EPC2: variants seen among roughly 807,000 people sequenced by gnomAD.
EPC2 encodes enhancer of polycomb homolog 2.
Under a neutral mutation model 92.1 loss-of-function variants are expected in EPC2, and 14 were observed. The observed-to-expected ratio is 0.15, with a 90% CI of 0.10 to 0.24. The LOEUF is 0.24. EPC2 is among the 10% of genes least tolerant of loss of function. EPC2 has a pLI of 1.00. For missense variants in EPC2, 755 were observed against 971.5 expected, an observed-to-expected ratio of 0.78 and a Z score of 2.96; for synonymous variants, 340 against 334.7, an observed-to-expected ratio of 1.02 and a Z score of -0.17.
chr2:148,723,839 CTT>C (rs1270640087), intron 2 of EPC2, among the ~76,000 whole-genome samples: 2 of 151,810 alleles, frequency 1.3e-5, no homozygotes, highest in Non-Finnish European at 2.9e-5. Flanking sequence ...GGATTTATAA[CTT>C]TTTAGAGGGT....
chr2:148,724,535 A>G (rs1282509733), intron 2 of EPC2, among the ~76,000 whole-genome samples: 1 of 152,078 alleles, frequency 6.6e-6, no homozygotes, highest in African/African-American at 2.4e-5. Context: ...TAGGTTTTAT[A>G]TTGTGTTCTG....
intron 11 of EPC2, 142 bp from the exon 12 acceptor site, chr2:148,783,455 T>G (rs1574641981): frequency 3.0e-6 from 2 of 660,010 alleles, no homozygotes; most frequent in South Asian, 7.3e-5. Flanking sequence ...AAATCATCTA[T>G]GGAATCGTAG....
At chr2:148,735,578 A>G (rs1451658641) in intron 2 of EPC2, among the ~76,000 whole-genome samples, 2 of 151,996 alleles carry the variant, frequency 1.3e-5, no homozygotes, top group Non-Finnish European at 2.9e-5. Context: ...ATGAACGGTC[A>G]TATACTACTG....
chr2:148,692,869 TA>T, intron 2 of EPC2: 3 of 152,270 alleles, frequency 2.0e-5, no homozygotes, highest in African/African-American at 7.2e-5. Flanking sequence ...TCTATTATTG[TA>T]AAAAACAATA....
intron 2 of EPC2, among the ~76,000 whole-genome samples, chr2:148,698,751 A>G (rs1249209826): frequency 1.5e-5 from 2 of 130,900 alleles, no homozygotes; most frequent in Admixed American, 1.6e-4. Flanking sequence ...AATGAAAAGT[A>G]AAATGTTAAT....
intron 1 of EPC2, among the ~76,000 whole-genome samples, chr2:148,678,435 G>C (rs1681319288): frequency 6.6e-6 from 1 of 152,250 alleles, no homozygotes; most frequent in Non-Finnish European, 1.5e-5. Flanking sequence ...ATGCGACTGG[G>C]TGCCGTGGAG....
intron 2 of EPC2, among the ~76,000 whole-genome samples, chr2:148,726,229 C>A (rs1682491421): frequency 6.6e-6 from 1 of 152,134 alleles, no homozygotes; most frequent in Admixed American, 6.6e-5. Flanking sequence ...CACTTCTTAG[C>A]CATTGTGAAT....
chr2:148,765,220 A>G, intron 7 of EPC2, 74 bp downstream of exon 7: 7 of 1,101,478 alleles, frequency 6.4e-6, no homozygotes, highest in African/African-American at 1.6e-5. Flanking sequence ...AACAATTGCT[A>G]TCTTAGAGTT....
At chr2:148,768,805 A>G (rs1683464086) in intron 7 of EPC2, among the ~76,000 whole-genome samples, 1 of 152,164 alleles carries the variant, frequency 6.6e-6, no homozygotes. Context: ...GGTGAAGTAA[A>G]TATTTAACTG....
At chr2:148,730,835 A>G (rs974471330) in intron 2 of EPC2, among the ~76,000 whole-genome samples, 4 of 152,238 alleles carry the variant, frequency 2.6e-5, no homozygotes, top group South Asian at 2.1e-4. Context: ...TAGATATACA[A>G]CAGCACTATT....
chr2:148,748,042 T>G (rs1209831833), intron 3 of EPC2, among the ~76,000 whole-genome samples: 3 of 152,120 alleles, frequency 2.0e-5, no homozygotes, highest in Non-Finnish European at 4.4e-5. Flanking sequence ...GATTGGATCG[T>G]GAGAGTGGAT....
chr2:148,704,192 T>G (rs1681947238), intron 2 of EPC2, among the ~76,000 whole-genome samples: 1 of 152,204 alleles, frequency 6.6e-6, no homozygotes, highest in African/African-American at 2.4e-5. Context: ...TGGCGTGTAC[T>G]TAGAATGAAT....
At chr2:148,754,240 T>C (rs1288521276) in intron 4 of EPC2, 107 bp downstream of exon 4, 9 of 874,302 alleles carry the variant, frequency 1.0e-5, no homozygotes, top group Middle Eastern at 3.5e-4. Flanking sequence ...GCTAATGGCA[T>C]TGATGACTTT....
chr2:148,652,181 G>C (rs1680701896), intron 1 of EPC2, among the ~76,000 whole-genome samples: 1 of 152,162 alleles, frequency 6.6e-6, no homozygotes, highest in Non-Finnish European at 1.5e-5. Flanking sequence ...TACCTATGTT[G>C]AGAAGTGTTA....
At chr2:148,683,781 C>T (rs1262205188) in intron 1 of EPC2, among the ~76,000 whole-genome samples, 1 of 152,226 alleles carries the variant, frequency 6.6e-6, no homozygotes, top group East Asian at 1.9e-4. Flanking sequence ...AGTTGATGAG[C>T]ATTTAGGCTG....
intron 3 of EPC2, among the ~76,000 whole-genome samples, chr2:148,744,989 G>GC (rs34269450): frequency 0.34 from 15,861 of 46,204 alleles, 3,787 homozygotes; most frequent in Non-Finnish European, 0.39. Context: ...CTATCAGTTT[G>GC]CCCCCCCCCC....
At chr2:148,712,684 G>A (rs1682172504) in intron 2 of EPC2, among the ~76,000 whole-genome samples, 1 of 152,182 alleles carries the variant, frequency 6.6e-6, no homozygotes, top group South Asian at 2.1e-4. Flanking sequence ...GGGGCCAGGA[G>A]TTGGAGACCA....
intron 2 of EPC2, among the ~76,000 whole-genome samples, chr2:148,736,211 A>G (rs899405848): frequency 6.6e-6 from 1 of 152,204 alleles, no homozygotes; most frequent in African/African-American, 2.4e-5. Flanking sequence ...AGAAATGATT[A>G]TGAGGATGTT....
intron 2 of EPC2, among the ~76,000 whole-genome samples, chr2:148,732,142 T>C (rs1682644646): frequency 6.6e-6 from 1 of 152,150 alleles, no homozygotes; most frequent in Non-Finnish European, 1.5e-5. Flanking sequence ...AATCAGGAAA[T>C]AAAGTAAAAT....
Sources: gnomAD v4.1 joint callset for allele counts (sites outside exome capture counted in the v4.1 genomes callset) on GRCh38, gnomAD v4.1.1 for gene constraint, MANE v1.5 for transcripts, NCBI Gene and HGNC (gene_info 2026-07-23, HGNC 2026-07-21) for gene names.